Variants in SEC24D observed in about 807,000 individuals in gnomAD.
SEC24D encodes the protein SEC24 homolog D, COPII component.
SEC24D carries 69 observed loss-of-function variants against 116.9 expected under a neutral mutation model. That is an observed-to-expected ratio of 0.59 (90% CI 0.49 to 0.72). The LOEUF is 0.72. Among genes scored for constraint, SEC24D ranks in the 30% least tolerant of loss-of-function variants. The pLI, the probability that SEC24D is intolerant of heterozygous loss-of-function variation, is 0.00. For synonymous variants in SEC24D, 405 were observed against 442.8 expected, an observed-to-expected ratio of 0.91 and a Z score of 1.07; for missense variants, 1,131 against 1,264.1, an observed-to-expected ratio of 0.89 and a Z score of 1.60.
rs1246685559 is a variant in SEC24D at position 118,787,945 on chromosome 4, TG to T, written c.1041+9737del. Among the ~76,000 whole-genome samples the T allele has an allele frequency of 3.3e-5, 5 of 152,276 alleles. No homozygotes were observed. In the East Asian group the frequency reaches 9.7e-4, roughly 29 times the overall value. On this transcript the variant is annotated intron_variant, in intron 8 of 22. Transcript: ENST00000280551. ...CTCCTGCCTCAGCTTCCTGAGTAGC[TG>T]GAACTACAGGCATGCATCACTGTAC...
chr4:118,811,586 C>T (rs1380813457), intron 6 of SEC24D, among the ~76,000 whole-genome samples: 1 of 152,190 alleles, frequency 6.6e-6, no homozygotes, highest in Non-Finnish European at 1.5e-5. Context: ...AAAAGGTTCC[C>T]TGAGAAAGAG....
chr4:118,758,890 GA>G (rs1468606808), intron 10 of SEC24D, among the ~76,000 whole-genome samples: 1 of 152,058 alleles, frequency 6.6e-6, no homozygotes, highest in Non-Finnish European at 1.5e-5. Flanking sequence ...GACCAACAAA[GA>G]AATGAAGGAA....
intron 4 of SEC24D, 56 bp from the exon 5 acceptor site, chr4:118,815,782 T>C: frequency 6.4e-7 from 1 of 1,565,684 alleles, no homozygotes; most frequent in South Asian, 1.1e-5. Flanking sequence ...ACTCTCTGAC[T>C]TCTGCAAAGT....
At chr4:118,798,867 C>T (rs1239191457) in intron 7 of SEC24D, among the ~76,000 whole-genome samples, 1 of 152,188 alleles carries the variant, frequency 6.6e-6, no homozygotes, top group African/African-American at 2.4e-5. Flanking sequence ...CAGCAGGAGG[C>T]CCATGGAGCT....
chr4:118,826,185 C>T (rs1389307307), intron 2 of SEC24D, among the ~76,000 whole-genome samples: 2 of 152,056 alleles, frequency 1.3e-5, no homozygotes, highest in Non-Finnish European at 2.9e-5. Context: ...CCTTATAGCA[C>T]TACACTTTAA....
At chr4:118,799,574 G>C (rs1356826141) in intron 7 of SEC24D, among the ~76,000 whole-genome samples, 1 of 152,202 alleles carries the variant, frequency 6.6e-6, no homozygotes, top group Admixed American at 6.5e-5. Context: ...CCAAAGAAGA[G>C]AAGATGACCA....
At chr4:118,774,793 T>C (rs184604641) in intron 8 of SEC24D, among the ~76,000 whole-genome samples, 18 of 152,198 alleles carry the variant, frequency 1.2e-4, no homozygotes, top group Admixed American at 1.2e-3. Flanking sequence ...TTTATTAAGC[T>C]CCTCCCCATA....
At position 118,738,267 on chromosome 4, in the gene SEC24D, T is replaced by C; in HGVS notation, c.2490A>G (p.Ala830=). ...TGTGCAATAGGTAGCTCACCTGGCTTGCTGCAGAAGGACTTGCACAATTCT... is the reference window on the plus strand; with the variant it reads ...TGTGCAATAGGTAGCTCACCTGGCTCGCTGCAGAAGGACTTGCACAATTCT... ...YRKNCASPSA[A]SQLILPDSMK... Residue 830 remains alanine (A), a synonymous_variant, in exon 19 of 23, where the codon GCA becomes GCG. Transcript: ENST00000280551. The C allele has an allele frequency of 6.2e-7, 1 of 1,609,046 alleles. No individual in the cohort carries two copies. The highest frequency in any genetic ancestry group is 1.7e-4 in the Middle Eastern group (1 of 6,048).
intron 7 of SEC24D, among the ~76,000 whole-genome samples, chr4:118,801,123 A>G (rs943609341): frequency 4.6e-5 from 7 of 151,836 alleles, no homozygotes; most frequent in Non-Finnish European, 7.4e-5. Context: ...TCAGCCGGGC[A>G]TGGTGGCGGG....
At chr4:118,827,392 T>C (rs1730632401) in intron 2 of SEC24D, among the ~76,000 whole-genome samples, 1 of 151,948 alleles carries the variant, frequency 6.6e-6, no homozygotes, top group African/African-American at 2.4e-5. Context: ...AGAATTTTAA[T>C]AGGAAAGGAA....
intron 8 of SEC24D, among the ~76,000 whole-genome samples, chr4:118,775,500 C>T (rs1354268759): frequency 1.3e-5 from 2 of 151,892 alleles, no homozygotes; most frequent in East Asian, 1.9e-4. Context: ...GAAAAGCCCA[C>T]GGTTTGTTGG....
intron 13 of SEC24D, among the ~76,000 whole-genome samples, chr4:118,751,743 A>C (rs1282088124): frequency 6.6e-6 from 1 of 152,194 alleles, no homozygotes; most frequent in Non-Finnish European, 1.5e-5. Context: ...TATAAAAGCC[A>C]GAGGGAGGAG....
chr4:118,798,437 A>AGT (rs1432320229), intron 7 of SEC24D, among the ~76,000 whole-genome samples: 1 of 152,226 alleles, frequency 6.6e-6, no homozygotes, highest in African/African-American at 2.4e-5. Flanking sequence ...GGCATATCCG[A>AGT]GTGTTAAAAC....
chr4:118,761,531 A>G lies in SEC24D; in HGVS notation c.1296+3271T>C, dbSNP rs570676874. On this transcript the variant is annotated intron_variant, in intron 10 of 22. Transcript: ENST00000280551. The stretch of plus-strand genomic sequence containing the variant: ...ATTCCCAATACACATTCTCCCAACA[A>G]TTTAAGTAGTTTACATTTCCAAAAT... 9.3e-4 allele frequency among the ~76,000 whole-genome samples: 142 copies of G among 152,344 alleles called. 1 individual carries two copies. The highest frequency in any genetic ancestry group is 1.3e-3 in the Non-Finnish European group (91 of 68,034).
chr4:118,796,156 C>T (rs1188078170), intron 8 of SEC24D, among the ~76,000 whole-genome samples: 3 of 152,148 alleles, frequency 2.0e-5, no homozygotes, highest in Non-Finnish European at 4.4e-5. Flanking sequence ...TAGGTGTTCA[C>T]TATGAAATCG....
intron 6 of SEC24D, among the ~76,000 whole-genome samples, chr4:118,810,447 G>C (rs888258650): frequency 2.0e-5 from 3 of 152,162 alleles, no homozygotes; most frequent in Non-Finnish European, 4.4e-5. Flanking sequence ...ATGATCCCCA[G>C]GTTTTTGGCC....
At chr4:118,759,017 TAAATC>T (rs961117387) in intron 10 of SEC24D, among the ~76,000 whole-genome samples, 5 of 152,316 alleles carry the variant, frequency 3.3e-5, no homozygotes, top group Admixed American at 1.3e-4. Context: ...TTCCATTAGT[TAAATC>T]AAAACCTCTT....
At position 118,757,760 on chromosome 4, in the gene SEC24D, A is replaced by G. The variant is rs763062612; in HGVS notation, c.1382T>C (p.Ile461Thr). The G allele has an allele frequency of 2.5e-6, 4 of 1,611,040 alleles. No homozygotes were observed. The highest frequency in any genetic ancestry group is 2.2e-5 in the South Asian group (2 of 90,506). ...SNIKNGLVKL[I>T]CEELKTMLEK... ...CAGCATGGTCTTCAGTTCTTCACAT[A>G]TGAGCTTGACAAGTCCATTCTTTAT... is the stretch of plus-strand genomic sequence containing the variant. The change falls in exon 11 of 23, where the codon ATA becomes ACA. Residue 461 changes from isoleucine (I) to threonine (T), a missense_variant. By Grantham distance (89) the Ile-to-Thr change is moderately conservative. Transcript: ENST00000280551.
At chr4:118,742,335 G>T (rs1056752978) in intron 15 of SEC24D, among the ~76,000 whole-genome samples, 4 of 148,098 alleles carry the variant, frequency 2.7e-5, no homozygotes, top group Non-Finnish European at 6.0e-5. Context: ...ATTCACATAT[G>T]CCAGGAATGG....
Sources: gnomAD v4.1 joint callset for allele counts (sites outside exome capture counted in the v4.1 genomes callset) on GRCh38, gnomAD v4.1.1 for gene constraint, MANE v1.5 for transcripts, NCBI Gene and HGNC (gene_info 2026-07-23, HGNC 2026-07-21) for gene names.